The following ELMO1 variants were observed in gnomAD, a reference collection of about 807,000 sequenced individuals.
ELMO1 encodes engulfment and cell motility 1, also known as engulfment and cell motility protein 1.
A neutral mutation model predicts 98.9 loss-of-function variants in ELMO1; 26 were observed. The observed-to-expected ratio is 0.26, with a 90% CI of 0.19 to 0.36. ELMO1 has a LOEUF of 0.36. Ranked by LOEUF, ELMO1 falls within the 10% of genes least tolerant of loss-of-function variation. The pLI is 1.00. For missense variants in ELMO1, 627 were observed against 935.2 expected, an observed-to-expected ratio of 0.67 and a Z score of 4.30; for synonymous variants, 346 against 346.0, an observed-to-expected ratio of 1.00 and a Z score of 0.00.
intron 15 of ELMO1, among the ~76,000 whole-genome samples, chr7:37,095,088 G>C (rs986491435): frequency 6.6e-6 from 1 of 152,172 alleles, no homozygotes; most frequent in East Asian, 1.9e-4. Context: ...AACAGCCAAA[G>C]GTTGTCATCA....
intron 1 of ELMO1, among the ~76,000 whole-genome samples, chr7:37,398,123 A>G (rs1394525332): frequency 6.6e-6 from 1 of 152,196 alleles, no homozygotes; most frequent in East Asian, 1.9e-4. Flanking sequence ...TACCTATATA[A>G]CAAACGTGCA....
At chr7:37,046,807 T>G (rs1038077396) in intron 15 of ELMO1, among the ~76,000 whole-genome samples, 3 of 152,126 alleles carry the variant, frequency 2.0e-5, no homozygotes, top group African/African-American at 4.8e-5. Flanking sequence ...TAACACAAAT[T>G]CACCTTCTGA....
intron 1 of ELMO1, among the ~76,000 whole-genome samples, chr7:37,418,087 G>C (rs1281472446): frequency 6.6e-6 from 1 of 152,128 alleles, no homozygotes; most frequent in Non-Finnish European, 1.5e-5. Flanking sequence ...TTCATCAAAA[G>C]ATGTTAAGGG....
At chr7:36,871,659 T>G (rs573832904) in intron 19 of ELMO1, among the ~76,000 whole-genome samples, 1 of 152,168 alleles carries the variant, frequency 6.6e-6, no homozygotes, top group Non-Finnish European at 1.5e-5. Flanking sequence ...CATCCTTTCA[T>G]TGGGAAATTG....
In ELMO1 at chr7:37,211,528, CAG is replaced by C. The variant is rs767031466; in HGVS notation, c.955-13_955-12del. 3 of 1,612,200 alleles carry C rather than the reference CAG, an allele frequency of 1.9e-6. No homozygotes were observed. In the East Asian group the frequency reaches 6.7e-5, roughly 36 times the overall value. On this transcript the variant is annotated splice_polypyrimidine_tract_variant and intron_variant, in intron 12 of 21. Coordinates refer to ENST00000310758, the MANE Select transcript of ELMO1 (RefSeq NM_014800.11). The stretch of plus-strand genomic sequence containing the variant: ...GATGTCCCTCTGAGCCTGAAGGAAT[CAG>C]GGAGTAAAAAGAAAAGGGAGGGGAA...
intron 13 of ELMO1, among the ~76,000 whole-genome samples, chr7:37,196,661 T>TTGC (rs1791979682): frequency 6.6e-6 from 1 of 152,184 alleles, no homozygotes; most frequent in Non-Finnish European, 1.5e-5. Context: ...TTTCACTGCC[T>TTGC]TGCTCCCATG....
intron 16 of ELMO1, among the ~76,000 whole-genome samples, chr7:36,994,073 G>A (rs1792041574): frequency 6.6e-6 from 1 of 152,180 alleles, no homozygotes; most frequent in South Asian, 2.1e-4. Flanking sequence ...TAATATTTAG[G>A]AAGTGCCTGA....
intron 1 of ELMO1, among the ~76,000 whole-genome samples, chr7:37,364,919 AT>A (rs1303717575): frequency 1.3e-5 from 2 of 152,218 alleles, no homozygotes; most frequent in Admixed American, 6.5e-5. Context: ...TTCCTGGATG[AT>A]GTCTAAAATG....
At chr7:37,089,821 C>T (rs74923154) in intron 15 of ELMO1, among the ~76,000 whole-genome samples, 2,927 of 152,250 alleles carry the variant, frequency 0.019, 38 homozygotes, top group Non-Finnish European at 0.025. Flanking sequence ...CTTAACATAA[C>T]TCCAGTTTTC....
intron 2 of ELMO1, among the ~76,000 whole-genome samples, chr7:37,336,357 T>C (rs1800409174): frequency 6.6e-6 from 1 of 152,224 alleles, no homozygotes; most frequent in African/African-American, 2.4e-5. Context: ...TTGTCTCGTC[T>C]GTAGACAACT....
At chr7:37,177,795 A>G (rs1790575582) in intron 13 of ELMO1, among the ~76,000 whole-genome samples, 1 of 152,176 alleles carries the variant, frequency 6.6e-6, no homozygotes, top group Non-Finnish European at 1.5e-5. Context: ...GGACCTAGAG[A>G]GGTCATCAGT....
At position 37,271,649 on chromosome 7, in the gene ELMO1, T is replaced by G; in HGVS notation, c.243+183A>C. On this transcript the variant is annotated intron_variant, in intron 5 of 21. Coordinates refer to ENST00000310758, the MANE Select transcript of ELMO1 (RefSeq NM_014800.11). ...CCCTTCGCCTGGAATAAGGTCTTCC[T>G]CCTCTGCAGTGGGAAATCTACGGAG... 4.9e-6 allele frequency: 3 copies of G among 609,368 alleles called. No homozygotes were observed. In the Middle Eastern group the frequency reaches 7.8e-4, roughly 159 times the overall value. 37.7% of individuals were successfully genotyped at this position (609,368 alleles called of 1,614,324 possible). A position where few individuals can be genotyped will look rare whatever the true frequency, so the allele number is the denominator to read the frequency against.
chr7:37,180,362 A>C (rs1790769669), intron 13 of ELMO1, among the ~76,000 whole-genome samples: 1 of 152,224 alleles, frequency 6.6e-6, no homozygotes, highest in Admixed American at 6.5e-5. Flanking sequence ...GGGAGATGAT[A>C]TATAAGAACT....
At chr7:37,020,110 A>G (rs553979532) in intron 15 of ELMO1, among the ~76,000 whole-genome samples, 1 of 152,332 alleles carries the variant, frequency 6.6e-6, no homozygotes, top group South Asian at 2.1e-4. Flanking sequence ...GAATGGGTCT[A>G]GAGCTGACCA....
At chr7:37,229,632 A>G (rs186086727) in intron 8 of ELMO1, among the ~76,000 whole-genome samples, 5 of 152,312 alleles carry the variant, frequency 3.3e-5, no homozygotes. Flanking sequence ...CTCCATTTAA[A>G]AGACAGTTGC....
chr7:37,054,887 T>C (rs1456906905), intron 15 of ELMO1, among the ~76,000 whole-genome samples: 4 of 152,224 alleles, frequency 2.6e-5, no homozygotes, highest in Non-Finnish European at 5.9e-5. Context: ...TGGCTGTAAA[T>C]GTGAAACAGA....
chr7:36,905,669 G>C (rs1013122918), intron 16 of ELMO1, among the ~76,000 whole-genome samples: 2 of 152,220 alleles, frequency 1.3e-5, no homozygotes, highest in African/African-American at 4.8e-5. Flanking sequence ...TGAAAAGAAG[G>C]AGTCAGTGGT....
At chr7:37,408,949 AG>A (rs1161473773) in intron 1 of ELMO1, among the ~76,000 whole-genome samples, 1 of 152,218 alleles carries the variant, frequency 6.6e-6, no homozygotes, top group Non-Finnish European at 1.5e-5. Flanking sequence ...ATAAAATAAC[AG>A]CCCTGAGCAT....
Position 37,024,812 on chromosome 7 carries a change from T to G in ELMO1, c.1301-11377A>C, listed in dbSNP as rs182786903. Among the ~76,000 whole-genome samples, 141 of 152,324 alleles carry G rather than the reference T, an allele frequency of 9.3e-4. 3 individuals carry two copies. In the East Asian group the frequency reaches 0.014, roughly 16 times the overall value. On this transcript the variant is annotated intron_variant, in intron 15 of 21. Coordinates refer to ENST00000310758, the MANE Select transcript of ELMO1 (RefSeq NM_014800.11). ...ACACAGAATACAAATATGATTTTTTTTTCAAAAAAGTCCTTGATTTAAGGT... is the reference window on the plus strand; with the variant it reads ...ACACAGAATACAAATATGATTTTTTGTTCAAAAAAGTCCTTGATTTAAGGT...
Sources: allele counts gnomAD v4.1 joint callset (sites outside exome capture counted in the v4.1 genomes callset), GRCh38; gene constraint gnomAD v4.1.1; transcripts MANE v1.5; gene names NCBI Gene and HGNC (gene_info 2026-07-23, HGNC 2026-07-21).